Variants in TAOK1 observed in about 807,000 individuals in gnomAD.
The protein encoded by TAOK1 is TAO kinase 1.
Under a neutral mutation model 138.3 loss-of-function variants are expected in TAOK1, and 21 were observed. The ratio of observed to expected loss-of-function variants is 0.15; its 90% CI spans 0.11 to 0.22. The LOEUF (loss-of-function observed/expected upper bound fraction) is 0.22. Ranked by LOEUF, TAOK1 falls within the 10% of genes least tolerant of loss-of-function variation. The pLI is 1.00. For synonymous variants in TAOK1, 361 were observed against 398.4 expected, an observed-to-expected ratio of 0.91 and a Z score of 1.12; for missense variants, 651 against 1,227.7, an observed-to-expected ratio of 0.53 and a Z score of 7.02.
At chr17:29,488,111 C>T (rs987214613) in intron 8 of TAOK1, among the ~76,000 whole-genome samples, 6 of 152,158 alleles carry the variant, frequency 3.9e-5, no homozygotes, top group African/African-American at 7.2e-5. Context: ...AGGATTGGTT[C>T]CAGAACCCCC....
intron 18 of TAOK1, among the ~76,000 whole-genome samples, chr17:29,533,004 A>ACGGGGC (rs766983857): frequency 6.1e-5 from 4 of 65,332 alleles, no homozygotes; most frequent in African/African-American, 2.4e-4. Flanking sequence ...CCCCACCTCC[A>ACGGGGC]ACCGGGCGGG....
Position 29,503,094 on chromosome 17 carries a change from T to TTTC in TAOK1, c.1338+372_1338+374dup, listed in dbSNP as rs1289665274. 5.3e-5 allele frequency among the ~76,000 whole-genome samples: 8 copies of TTTC among 152,232 alleles called. No homozygotes were observed. The East Asian group carries it at 1.5e-3, about 29-fold the overall frequency. On this transcript the variant is annotated intron_variant, in intron 13 of 19. Transcript: ENST00000261716. ...GCAGGGAGAGGAGAAATGAATGGTA[T>TTTC]TTCCATATAAGAAGAATGTGGGCCG...
At chr17:29,490,482 A>G (rs1008084281) in intron 9 of TAOK1, among the ~76,000 whole-genome samples, 1 of 152,222 alleles carries the variant, frequency 6.6e-6, no homozygotes, top group Admixed American at 6.5e-5. Context: ...CATATAAATT[A>G]GGGGTACTTA....
chr17:29,518,977 G>T (rs1598518983), intron 16 of TAOK1, among the ~76,000 whole-genome samples: 1 of 151,938 alleles, frequency 6.6e-6, no homozygotes, highest in East Asian at 1.9e-4. Context: ...ATGTTGGCCT[G>T]GCTAGTCTCC....
At position 29,542,904 on chromosome 17, in the gene TAOK1, G is replaced by T; in HGVS notation, c.2888G>T (p.Arg963Leu). Residue 963 changes from arginine (R) to leucine (L), a missense_variant, in exon 20 of 20, where the codon CGC (arginine) becomes CTC (leucine). By Grantham distance (102) the Arg-to-Leu change is moderately radical. Transcript: ENST00000261716. The part of the protein sequence containing the change: ...GVPRGSSMGV[R>L]NSPQALRRTA... ...CCTCGAGGTAGCAGTATGGGAGTCC[G>T]CAATAGCCCCCAGGCTCTGAGGCGG... The T allele has an allele frequency of 6.2e-7, 1 of 1,613,658 alleles. No homozygotes were observed. Among genetic ancestry groups the T allele is most frequent in the East Asian group, 2.2e-5 (1 of 44,866 alleles).
intron 1 of TAOK1, among the ~76,000 whole-genome samples, chr17:29,440,509 C>G (rs1381684116): frequency 6.6e-6 from 1 of 151,178 alleles, no homozygotes; most frequent in Admixed American, 6.6e-5. Flanking sequence ...AGGCTCTTGT[C>G]TTATCAGTCA....
Position 29,517,579 on chromosome 17 carries a change from C to G in TAOK1, c.1831C>G (p.Leu611Val), listed in dbSNP as rs773596456. Residue 611 changes from leucine (L) to valine (V), a missense_variant, in exon 16 of 20, where the codon CTA becomes GTA. Around this residue, in one of 8 missense-constraint regions of TAOK1, gnomAD observed 258 missense variants for 548.9 expected, o/e 0.47. Coordinates refer to ENST00000261716, the MANE Select transcript of TAOK1 (RefSeq NM_020791.4). ...ANLLRRQRQY[L>V]ELECRRFKRR... ...CCTTCTTCGACGTCAAAGACAATAC[C>G]TAGAGCTGGAATGCCGTCGCTTCAA... The G allele has an allele frequency of 1.2e-6, 2 of 1,613,926 alleles. No individual in the cohort carries two copies. The highest frequency in any genetic ancestry group is 1.7e-6 in the Non-Finnish European group (2 of 1,180,018).
At chr17:29,488,572 C>CAAAAAA (rs1216067881) in intron 8 of TAOK1, among the ~76,000 whole-genome samples, 1 of 97,358 alleles carries the variant, frequency 1.0e-5, no homozygotes, top group Non-Finnish European at 2.1e-5. Context: ...AACCACATCT[C>CAAAAAA]AAAAAATAAT....
chr17:29,471,568 C>T (rs971655659), intron 3 of TAOK1, among the ~76,000 whole-genome samples: 10 of 151,960 alleles, frequency 6.6e-5, no homozygotes, highest in African/African-American at 9.7e-5. Flanking sequence ...TGAGCCACCG[C>T]GCCCAGCTTA....
intron 1 of TAOK1, among the ~76,000 whole-genome samples, chr17:29,428,187 A>G (rs922971084): frequency 6.6e-6 from 1 of 152,178 alleles, no homozygotes; most frequent in Non-Finnish European, 1.5e-5. Flanking sequence ...GAGGAGAGGT[A>G]ATATCTCAAA....
At chr17:29,482,041 C>G (rs181403863) in intron 7 of TAOK1, among the ~76,000 whole-genome samples, 156 bp from the exon 8 acceptor site, 9 of 152,274 alleles carry the variant, frequency 5.9e-5, no homozygotes, top group Admixed American at 5.2e-4. Flanking sequence ...ACCTCACAAC[C>G]TGTAATGCAC....
At chr17:29,510,010 C>T (rs1025693339) in intron 14 of TAOK1, among the ~76,000 whole-genome samples, 1 of 151,226 alleles carries the variant, frequency 6.6e-6, no homozygotes, top group Middle Eastern at 3.2e-3. Flanking sequence ...AGCCACAATA[C>T]CTACTTAATT....
At chr17:29,496,196 G>A (rs1385629245) in intron 11 of TAOK1, among the ~76,000 whole-genome samples, 2 of 152,106 alleles carry the variant, frequency 1.3e-5, no homozygotes, top group Admixed American at 1.3e-4. Context: ...CACCTCCCTG[G>A]TTCAAGCGAT....
intron 2 of TAOK1, among the ~76,000 whole-genome samples, chr17:29,466,414 G>A (rs770164908): frequency 2.0e-5 from 3 of 152,154 alleles, no homozygotes; most frequent in African/African-American, 7.2e-5. Flanking sequence ...AAAGTGCTGC[G>A]ATTACAGGTG....
intron 17 of TAOK1, among the ~76,000 whole-genome samples, chr17:29,523,009 A>T (rs1485443243): frequency 6.7e-6 from 1 of 149,358 alleles, no homozygotes; most frequent in Non-Finnish European, 1.5e-5. Flanking sequence ...CAGGAGGCAG[A>T]GGTTGCAGTG....
chr17:29,471,312 A>C, intron 3 of TAOK1, among the ~76,000 whole-genome samples: 1 of 105,564 alleles, frequency 9.5e-6, no homozygotes, highest in South Asian at 3.0e-4. Context: ...ATGAAGTCTC[A>C]CTCTGTCGCC....
At chr17:29,530,962 A>ATTTTTTTTTTTTTTTTTTTTTT (rs66788063) in intron 18 of TAOK1, among the ~76,000 whole-genome samples, 5 of 96,192 alleles carry the variant, frequency 5.2e-5, no homozygotes, top group African/African-American at 1.7e-4. Context: ...ACAAGTACAA[A>ATTTTTTTTTTTTTTTTTTTTTT]TTTTTTTTTT....
intron 11 of TAOK1, among the ~76,000 whole-genome samples, chr17:29,496,063 TA>T (rs1468536105): frequency 6.6e-6 from 1 of 152,132 alleles, no homozygotes; most frequent in African/African-American, 2.4e-5. Flanking sequence ...AGGCCTTCTC[TA>T]ATTTCTTGAC....
At chr17:29,517,968 G>A (rs756241906) in intron 16 of TAOK1, among the ~76,000 whole-genome samples, 15 of 151,998 alleles carry the variant, frequency 9.9e-5, no homozygotes, top group Non-Finnish European at 1.9e-4. Flanking sequence ...TGATTTTCGT[G>A]CCTCAGCCTC....
Sources: allele counts gnomAD v4.1 joint callset (sites outside exome capture counted in the v4.1 genomes callset), GRCh38; gene constraint gnomAD v4.1.1; regional missense constraint gnomAD v4.1.1; transcripts MANE v1.5; gene names NCBI Gene and HGNC (gene_info 2026-07-23, HGNC 2026-07-21).